The following CSMD1 variants were observed in gnomAD, a reference collection of about 807,000 sequenced individuals.
CSMD1 encodes CUB and Sushi multiple domains 1, also known as CUB and sushi domain-containing protein 1.
In CSMD1, 213 loss-of-function variants were observed where a neutral mutation model predicts 417.5. That is an observed-to-expected ratio of 0.51 (90% CI 0.46 to 0.57). The LOEUF (loss-of-function observed/expected upper bound fraction) is 0.57. CSMD1 is among the 20% of genes least tolerant of loss of function. The probability of loss-of-function intolerance (pLI) is 0.00; values close to 1 mark genes in which losing one functional copy is unlikely to be tolerated. For missense variants in CSMD1, 6,923 were observed against 4,529.7 expected, an observed-to-expected ratio of 1.53 and a Z score of -15.17; for synonymous variants, 2,862 against 1,736.8, an observed-to-expected ratio of 1.65 and a Z score of -16.11.
At chr8:4,893,250 A>G (rs2117009581) in intron 1 of CSMD1, among the ~76,000 whole-genome samples, 1 of 152,128 alleles carries the variant, frequency 6.6e-6, no homozygotes, top group South Asian at 2.1e-4. Flanking sequence ...CCTACTTAAT[A>G]TTTTTCCAAT....
intron 2 of CSMD1, among the ~76,000 whole-genome samples, chr8:4,494,373 T>C (rs796676381): frequency 4.6e-5 from 7 of 152,336 alleles, no homozygotes; most frequent in African/African-American, 9.6e-5. Flanking sequence ...CTTACTAAAG[T>C]GAAATATGAA....
intron 1 of CSMD1, among the ~76,000 whole-genome samples, chr8:4,935,014 T>C (rs895464134): frequency 1.3e-5 from 2 of 152,228 alleles, no homozygotes; most frequent in Non-Finnish European, 1.5e-5. Context: ...TCTATACATA[T>C]CTATCTAGAA....
At chr8:4,083,267 C>A (rs1195230047) in intron 3 of CSMD1, among the ~76,000 whole-genome samples, 2 of 152,156 alleles carry the variant, frequency 1.3e-5, no homozygotes, top group East Asian at 3.9e-4. Context: ...CACAACCTCT[C>A]CAGCACCTGT....
At chr8:3,253,293 A>G (rs1175354305) in intron 26 of CSMD1, among the ~76,000 whole-genome samples, 1 of 152,104 alleles carries the variant, frequency 6.6e-6, no homozygotes, top group Non-Finnish European at 1.5e-5. Context: ...TTTACCCAGT[A>G]GTCACTCAGG....
In CSMD1 at chr8:3,219,420, C is replaced by G; in HGVS notation, c.4507G>C (p.Asp1503His). ...FKSFNMEPSY[D>H]FLHIYEGEDS... is the part of the protein sequence containing the mutation. ...TCCCCTTCATAGATGTGTAGGAAGTCATAGCTGGGCTCCATGTTGAAACTA... is the reference window on the plus strand; with the variant it reads ...TCCCCTTCATAGATGTGTAGGAAGTGATAGCTGGGCTCCATGTTGAAACTA... The change falls in exon 29 of 70, where the codon GAC (aspartate) becomes CAC (histidine). Residue 1503 changes from aspartate (D) to histidine (H), a missense_variant. Physicochemically the swap from Asp to His is moderately conservative, Grantham distance 81. Transcript: ENST00000635120. The G allele has an allele frequency of 6.6e-7, 1 of 1,515,660 alleles. No individual in the cohort carries two copies. Among genetic ancestry groups the G allele is most frequent in the Non-Finnish European group, 8.8e-7 (1 of 1,132,350 alleles). The allele number at this position is 1,515,660 out of a possible 1,614,324, so 93.9% of individuals were successfully genotyped here.
At chr8:3,728,943 G>T (rs758002837) in intron 6 of CSMD1, among the ~76,000 whole-genome samples, 19 of 152,242 alleles carry the variant, frequency 1.2e-4, no homozygotes, top group South Asian at 1.0e-3. Flanking sequence ...CCAAAATAAT[G>T]CAAATGAGTG....
chr8:4,340,492 C>T (rs570263745), intron 3 of CSMD1, among the ~76,000 whole-genome samples: 9 of 152,150 alleles, frequency 5.9e-5, no homozygotes, highest in African/African-American at 2.2e-4. Flanking sequence ...TCCTCATGGT[C>T]GAGTCCCCAA....
At chr8:4,296,961 C>T (rs1358417041) in intron 3 of CSMD1, among the ~76,000 whole-genome samples, 1 of 151,938 alleles carries the variant, frequency 6.6e-6, no homozygotes, top group African/African-American at 2.4e-5. Flanking sequence ...ATATAAAAAC[C>T]TGTAAGTCAG....
intron 26 of CSMD1, 50 bp from the exon 27 acceptor site, chr8:3,230,281 A>AG: frequency 6.9e-7 from 1 of 1,454,264 alleles, no homozygotes; most frequent in Non-Finnish European, 9.2e-7. Flanking sequence ...CATGGTTTCC[A>AG]CATTCTTGTC....
At chr8:4,328,660 T>C (rs1799693797) in intron 3 of CSMD1, among the ~76,000 whole-genome samples, 1 of 152,208 alleles carries the variant, frequency 6.6e-6, no homozygotes, top group African/African-American at 2.4e-5. Context: ...CTTTTTCTCT[T>C]TGAAAGGCAT....
rs1233249665 is a variant in CSMD1, at chr8:3,206,055, G to A, written c.4868-435C>T. ...ATGGGAATCAAAGGAAAAATGTTTT[G>A]TTTTTTAGGGGATTTTCTTTGTTTT... On this transcript the variant is annotated intron_variant, in intron 30 of 69. Coordinates refer to ENST00000635120, the MANE Select transcript of CSMD1 (RefSeq NM_033225.6). Among the ~76,000 whole-genome samples the A allele has an allele frequency of 3.3e-5, 5 of 151,978 alleles. No homozygotes were observed. In the East Asian group the frequency reaches 9.7e-4, roughly 29 times the overall value.
chr8:3,876,704 G>T lies in CSMD1; in HGVS notation c.818+121199C>A, dbSNP rs555048259. ...TGCGCACTGTAGCCTTGACTTCCCAGGCTCAAGCAATCCTCCAGCCTTGGC... is the reference window on the plus strand; with the variant it reads ...TGCGCACTGTAGCCTTGACTTCCCATGCTCAAGCAATCCTCCAGCCTTGGC... On this transcript the variant is annotated intron_variant, in intron 5 of 69. Coordinates refer to ENST00000635120, the MANE Select transcript of CSMD1 (RefSeq NM_033225.6). 1.1e-3 allele frequency among the ~76,000 whole-genome samples: 161 copies of T among 152,286 alleles called. 1 individual carries two copies. The highest frequency in any genetic ancestry group is 1.2e-3 in the African/African-American group (48 of 41,556).
intron 11 of CSMD1, among the ~76,000 whole-genome samples, chr8:3,488,449 G>A (rs183833450): frequency 3.7e-4 from 56 of 152,204 alleles, no homozygotes; most frequent in Non-Finnish European, 7.1e-4. Flanking sequence ...GGCTAAAACC[G>A]ATAGATAAAT....
intron 24 of CSMD1, 112 bp downstream of exon 24, chr8:3,308,200 G>A (rs143082171): frequency 1.1e-4 from 91 of 796,770 alleles, no homozygotes; most frequent in African/African-American, 8.3e-4. Flanking sequence ...AACTCACACT[G>A]GAAAGTGTGA....
At chr8:4,236,136 C>T (rs781498219) in intron 3 of CSMD1, among the ~76,000 whole-genome samples, 1 of 147,600 alleles carries the variant, frequency 6.8e-6, no homozygotes, top group East Asian at 2.0e-4. Context: ...GATAAAAACA[C>T]CGTATGTTAT....
chr8:4,019,044 G>A (rs576836274), intron 4 of CSMD1, among the ~76,000 whole-genome samples: 12 of 152,216 alleles, frequency 7.9e-5, no homozygotes, highest in East Asian at 1.9e-4. Flanking sequence ...AATCTTTATC[G>A]CTTTGAGACA....
intron 23 of CSMD1, among the ~76,000 whole-genome samples, chr8:3,309,009 C>T (rs1584973307): frequency 1.3e-5 from 2 of 152,138 alleles, no homozygotes; most frequent in African/African-American, 4.8e-5. Flanking sequence ...CAGGCGTGAG[C>T]CACTGCGCCC....
chr8:3,823,719 AAAT>A (rs1377770287), intron 5 of CSMD1, among the ~76,000 whole-genome samples: 3 of 152,164 alleles, frequency 2.0e-5, no homozygotes, highest in Admixed American at 6.5e-5. Flanking sequence ...CGCTTGAATC[AAAT>A]AACCTTTTTA....
At chr8:3,839,461 T>TATATATTATAATATAATATATA (rs1563133227) in intron 5 of CSMD1, among the ~76,000 whole-genome samples, 3 of 124,130 alleles carry the variant, frequency 2.4e-5, no homozygotes, top group Admixed American at 1.0e-4. Flanking sequence ...TATAATATAT[T>TATATATTATAATATAATATATA]ATATATTATA....
Sources: allele counts gnomAD v4.1 joint callset (sites outside exome capture counted in the v4.1 genomes callset), GRCh38; gene constraint gnomAD v4.1.1; transcripts MANE v1.5; gene names NCBI Gene and HGNC (gene_info 2026-07-23, HGNC 2026-07-21).